CSGALNACT1: variants seen among roughly 807,000 people sequenced by gnomAD.
CSGALNACT1 encodes beta4GalNAcT-1.
Under a neutral mutation model 51.0 loss-of-function variants are expected in CSGALNACT1, and 52 were observed. The observed-to-expected ratio is 1.02, with a 90% CI of 0.82 to 1.29. The LOEUF is 1.29. Among genes scored for constraint, CSGALNACT1 ranks in the 50% most tolerant of loss-of-function variants. The probability of loss-of-function intolerance (pLI) is 0.00; values close to 1 mark genes in which losing one functional copy is unlikely to be tolerated. For missense variants in CSGALNACT1, 935 were observed against 679.2 expected (o/e 1.38, Z -4.19); for synonymous variants, 341 against 254.4 (o/e 1.34, Z -3.24).
At chr8:19,674,058 C>G (rs566652899) in intron 1 of CSGALNACT1, among the ~76,000 whole-genome samples, 29 of 152,302 alleles carry the variant, frequency 1.9e-4, no homozygotes, top group African/African-American at 7.0e-4. Flanking sequence ...GAGGCCAAGG[C>G]AGGCAGATCA....
At chr8:19,589,530 T>C (rs1039059494) in intron 3 of CSGALNACT1, among the ~76,000 whole-genome samples, 1 of 152,186 alleles carries the variant, frequency 6.6e-6, no homozygotes, top group Non-Finnish European at 1.5e-5. Flanking sequence ...TTAATCACGT[T>C]GGGTTGGCCA....
At chr8:19,514,291 T>C (rs957314306) in intron 3 of CSGALNACT1, among the ~76,000 whole-genome samples, 2 of 151,678 alleles carry the variant, frequency 1.3e-5, no homozygotes, top group Non-Finnish European at 2.9e-5. Flanking sequence ...GACACCGAGC[T>C]ACTTAGCACA....
chr8:19,546,171 A>G (rs547138992), intron 3 of CSGALNACT1, among the ~76,000 whole-genome samples: 9 of 152,218 alleles, frequency 5.9e-5, no homozygotes, highest in African/African-American at 1.7e-4. Flanking sequence ...TCAGCAGAAT[A>G]TATTTTTAGT....
chr8:19,703,410 T>C (rs2061986840), intron 1 of CSGALNACT1, among the ~76,000 whole-genome samples: 1 of 152,106 alleles, frequency 6.6e-6, no homozygotes, highest in South Asian at 2.1e-4. Flanking sequence ...TTCATGCCAT[T>C]CTCCTGCCTC....
intron 3 of CSGALNACT1, among the ~76,000 whole-genome samples, chr8:19,588,425 A>T (rs2047117894): frequency 6.6e-6 from 1 of 152,218 alleles, no homozygotes; most frequent in Non-Finnish European, 1.5e-5. Context: ...TAACTTGTGA[A>T]GTAAGTTCAT....
intron 5 of CSGALNACT1, among the ~76,000 whole-genome samples, chr8:19,440,716 A>G (rs894171251): frequency 6.6e-6 from 1 of 151,832 alleles, no homozygotes; most frequent in Non-Finnish European, 1.5e-5. Flanking sequence ...AGTTCTGGCC[A>G]GGGCAATTAG....
At chr8:19,630,192 CTCTGTGTGTG>C (rs957133684) in intron 1 of CSGALNACT1, among the ~76,000 whole-genome samples, 2 of 119,962 alleles carry the variant, frequency 1.7e-5, no homozygotes, top group African/African-American at 6.5e-5. Context: ...GTTCCCACGT[CTCTGTGTGTG>C]TGTGTGTGTG....
At chr8:19,667,089 A>AAGAAAGAAAGAG (rs2059436328) in intron 1 of CSGALNACT1, among the ~76,000 whole-genome samples, 1 of 122,216 alleles carries the variant, frequency 8.2e-6, no homozygotes, top group East Asian at 2.8e-4. Flanking sequence ...GAAAGAAAGA[A>AAGAAAGAAAGAG]AGAAAGAAAG....
chr8:19,670,264 A>T (rs148121925), intron 1 of CSGALNACT1, among the ~76,000 whole-genome samples: 25 of 152,292 alleles, frequency 1.6e-4, no homozygotes, highest in African/African-American at 5.5e-4. Context: ...GCAGTACCTT[A>T]TAACTAGTAG....
intron 1 of CSGALNACT1, chr8:19,732,595 T>C (rs1245366189): frequency 6.6e-6 from 1 of 152,154 alleles, no homozygotes; most frequent in African/African-American, 2.4e-5. Flanking sequence ...TCGATGAGTA[T>C]GTGTTAAAAA....
At chr8:19,438,880 C>T (rs1365784755) in intron 6 of CSGALNACT1, among the ~76,000 whole-genome samples, 2 of 152,206 alleles carry the variant, frequency 1.3e-5, no homozygotes, top group Non-Finnish European at 1.5e-5. Flanking sequence ...ATAAAAAGTA[C>T]ACTCAGTCTT....
At chr8:19,659,816 C>A (rs1377686926) in intron 1 of CSGALNACT1, among the ~76,000 whole-genome samples, 1 of 152,174 alleles carries the variant, frequency 6.6e-6, no homozygotes, top group Admixed American at 6.5e-5. Context: ...AGCACATAAC[C>A]CTCCAGCAGT....
At chr8:19,479,097 T>C (rs924004259) in intron 4 of CSGALNACT1, among the ~76,000 whole-genome samples, 2 of 152,220 alleles carry the variant, frequency 1.3e-5, no homozygotes, top group Non-Finnish European at 2.9e-5. Flanking sequence ...GATACATGCA[T>C]TGTTATGATG....
intron 1 of CSGALNACT1, among the ~76,000 whole-genome samples, chr8:19,673,413 A>T (rs756671644): frequency 6.6e-6 from 1 of 152,224 alleles, no homozygotes; most frequent in African/African-American, 2.4e-5. Context: ...ATCATTCATC[A>T]TCATGAGATC....
chr8:19,630,204 G>C (rs938716828), intron 1 of CSGALNACT1, among the ~76,000 whole-genome samples: 44 of 103,800 alleles, frequency 4.2e-4, no homozygotes, highest in Non-Finnish European at 7.6e-4. Flanking sequence ...CTGTGTGTGT[G>C]TGTGTGTGTG....
At chr8:19,653,590 T>C (rs1283085637) in intron 1 of CSGALNACT1, among the ~76,000 whole-genome samples, 1 of 152,100 alleles carries the variant, frequency 6.6e-6, no homozygotes, top group Non-Finnish European at 1.5e-5. Context: ...CCCCAGGAGT[T>C]AGAGACCAGT....
intron 1 of CSGALNACT1, among the ~76,000 whole-genome samples, chr8:19,614,222 T>C (rs925519887): frequency 2.6e-5 from 4 of 152,222 alleles, no homozygotes; most frequent in South Asian, 4.1e-4. Flanking sequence ...GACTGCCTGA[T>C]AAAGTCATTA....
chr8:19,745,068 G>A (rs139836246), intron 1 of CSGALNACT1, among the ~76,000 whole-genome samples: 95 of 152,308 alleles, frequency 6.2e-4, no homozygotes, highest in African/African-American at 2.2e-3. Context: ...TCCAATGCTG[G>A]TTCAGCCTGT....
intron 1 of CSGALNACT1, among the ~76,000 whole-genome samples, chr8:19,638,876 G>T (rs755638016): frequency 6.6e-6 from 1 of 151,890 alleles, no homozygotes; most frequent in African/African-American, 2.4e-5. Context: ...AGCATACACC[G>T]AGACTTACTT....
Sources: gnomAD v4.1 joint callset for allele counts (sites outside exome capture counted in the v4.1 genomes callset) on GRCh38, gnomAD v4.1.1 for gene constraint, MANE v1.5 for transcripts, NCBI Gene and HGNC (gene_info 2026-07-23, HGNC 2026-07-21) for gene names.